The following SMARCC1 variants were observed in gnomAD, a reference collection of about 807,000 sequenced individuals.
The protein encoded by SMARCC1 is SWI/SNF related BAF chromatin remodeling complex subunit C1, also known as SWI/SNF complex subunit SMARCC1.
SMARCC1 carries 43 observed loss-of-function variants against 147.4 expected under a neutral mutation model. That is an observed-to-expected ratio of 0.29 (90% CI 0.23 to 0.38). The LOEUF (loss-of-function observed/expected upper bound fraction) is 0.38, where lower values mean the gene tolerates loss of function less well. SMARCC1 is among the 10% of genes least tolerant of loss of function. SMARCC1 has a pLI of 1.00. For missense variants in SMARCC1, 1,119 were observed against 1,381.1 expected, an observed-to-expected ratio of 0.81 and a Z score of 3.01; for synonymous variants, 495 against 484.4, an observed-to-expected ratio of 1.02 and a Z score of -0.29.
Position 47,610,142 on chromosome 3 carries a change from G to A in SMARCC1, c.2967C>T (p.Gly989=). The A allele has an allele frequency of 1.2e-6, 2 of 1,613,902 alleles. No homozygotes were observed. The highest frequency in any genetic ancestry group is 1.7e-6 in the Non-Finnish European group (2 of 1,180,028). ...GAGGGGGCTGTTGATGAGGCATCAT[G>A]CCAGGGTGCCCTGCTGCTCCAAGTG... ...LAPLGAAGHP[G]MMPHQQPPPY... Residue 989 remains glycine (G), a synonymous_variant, in exon 26 of 28, where the codon GGC becomes GGT. Transcript: ENST00000254480.
chr3:47,667,280 T>C (rs894417296), intron 19 of SMARCC1, among the ~76,000 whole-genome samples: 4 of 148,134 alleles, frequency 2.7e-5, no homozygotes, highest in African/African-American at 1.0e-4. Context: ...ATCACGCCAC[T>C]GCACTCCAGC....
chr3:47,648,791 T>A (rs2033151220), intron 21 of SMARCC1, among the ~76,000 whole-genome samples: 1 of 152,162 alleles, frequency 6.6e-6, no homozygotes, highest in South Asian at 2.1e-4. Flanking sequence ...ATGCTAAAAT[T>A]ATTTTTTTCA....
chr3:47,758,980 G>A (rs1027539680), intron 2 of SMARCC1, among the ~76,000 whole-genome samples: 4 of 150,740 alleles, frequency 2.7e-5, no homozygotes, highest in African/African-American at 9.7e-5. Context: ...TCGCACCATT[G>A]CACTCCAGCC....
rs767538589 is a variant in SMARCC1, at chr3:47,772,761, C to A, written c.315+56G>T. On this transcript the variant is annotated intron_variant, in intron 2 of 27. Transcript: ENST00000254480. ...CAAAGGAAAAAAGCTGGATGCTACA[C>A]CTAAAAGTATACAGCAACTGAGGAT... 72 of 1,493,518 alleles carry A rather than the reference C, an allele frequency of 4.8e-5. No individual in the cohort carries two copies. In the African/African-American group the frequency reaches 9.3e-4, roughly 19 times the overall value. The allele number at this position is 1,493,518 out of a possible 1,614,324, so 92.5% of individuals were successfully genotyped here.
intron 3 of SMARCC1, among the ~76,000 whole-genome samples, chr3:47,740,139 G>T (rs1363859433): frequency 1.4e-5 from 2 of 143,592 alleles, no homozygotes; most frequent in Non-Finnish European, 3.0e-5. Flanking sequence ...AAAGAGCTGG[G>T]ATTACAGATT....
chr3:47,770,225 C>CA (rs112564565), intron 2 of SMARCC1, among the ~76,000 whole-genome samples: 118 of 146,072 alleles, frequency 8.1e-4, no homozygotes, highest in African/African-American at 1.5e-3. Flanking sequence ...GAGACTGTCT[C>CA]AAAAAAAAAA....
At chr3:47,624,197 A>G (rs1458121144) in intron 24 of SMARCC1, among the ~76,000 whole-genome samples, 6 of 152,086 alleles carry the variant, frequency 3.9e-5, no homozygotes, top group Non-Finnish European at 8.8e-5. Context: ...AGGCTGAGGC[A>G]TAAGAATCGC....
intron 3 of SMARCC1, 59 bp from the exon 4 acceptor site, chr3:47,738,169 T>G (rs1037173251): frequency 8.3e-7 from 1 of 1,204,012 alleles, no homozygotes; most frequent in Non-Finnish European, 1.2e-6. Context: ...AAATGAAAAC[T>G]TGGTTTTAGA....
intron 2 of SMARCC1, among the ~76,000 whole-genome samples, chr3:47,760,523 G>A (rs1245785337): frequency 2.0e-5 from 3 of 152,012 alleles, no homozygotes; most frequent in Admixed American, 6.6e-5. Flanking sequence ...TTAGCTGGGC[G>A]TTGTGGCGCA....
chr3:47,628,578 T>A (rs1176869361), intron 24 of SMARCC1, among the ~76,000 whole-genome samples: 1 of 152,152 alleles, frequency 6.6e-6, no homozygotes, highest in Non-Finnish European at 1.5e-5. Context: ...CTAACGGGAA[T>A]TACTTTTTTT....
intron 2 of SMARCC1, among the ~76,000 whole-genome samples, chr3:47,761,520 G>A (rs1243351930): frequency 6.6e-6 from 1 of 151,680 alleles, no homozygotes; most frequent in South Asian, 2.1e-4. Context: ...ATGTTCTACA[G>A]AGATCTGTGC....
chr3:47,779,796 G>A (rs912911525), intron 1 of SMARCC1, among the ~76,000 whole-genome samples: 1 of 152,124 alleles, frequency 6.6e-6, no homozygotes, highest in Admixed American at 6.6e-5. Flanking sequence ...TTATTCAAAG[G>A]AATATGCCTG....
At chr3:47,730,453 C>T (rs181081964) in intron 5 of SMARCC1, among the ~76,000 whole-genome samples, 17 of 152,210 alleles carry the variant, frequency 1.1e-4, no homozygotes, top group Admixed American at 9.8e-4. Flanking sequence ...TGTACGTTAG[C>T]CTGGGCAATA....
At position 47,686,117 on chromosome 3, in the gene SMARCC1, T is replaced by G; in HGVS notation, c.1317A>C (p.Glu439Asp). ...GDQSRSVDLG[E>D]DNVTEQTNHI... ...GATTGGTCTGCTCTGTCACATTATC[T>G]TCCCCAAGGTCAACTGATCGACTCT... Residue 439 changes from glutamate to aspartate, a missense_variant, in exon 14 of 28, where the codon GAA becomes GAC. By Grantham distance (45) the Glu-to-Asp change is conservative. Coordinates refer to ENST00000254480, the MANE Select transcript of SMARCC1 (RefSeq NM_003074.4). 6.2e-7 allele frequency: 1 copy of G among 1,611,606 alleles called. No individual in the cohort carries two copies. The highest frequency in any genetic ancestry group is 8.5e-7 in the Non-Finnish European group (1 of 1,177,766).
Position 47,610,100 on chromosome 3 carries a change from G to A in SMARCC1, c.3009C>T (p.His1003=), listed in dbSNP as rs769783778. 2 of 1,613,008 alleles carry A rather than the reference G, an allele frequency of 1.2e-6. No individual in the cohort carries two copies. The highest frequency in any genetic ancestry group is 1.7e-6 in the Non-Finnish European group (2 of 1,180,026). The change falls in exon 26 of 28, where the codon CAC becomes CAT. Residue 1003 remains histidine (H), a synonymous_variant. Transcript: ENST00000254480. ...HQQPPPYPLM[H]HQMPPPHPPQ... ...GTGGATGAGGTGGTGGCATCTGGTG[G>A]TGCATCAGAGGGTAGGGAGGGGGCT...
intron 21 of SMARCC1, among the ~76,000 whole-genome samples, chr3:47,654,960 C>A (rs1285358325): frequency 6.6e-6 from 1 of 152,224 alleles, no homozygotes; most frequent in African/African-American, 2.4e-5. Flanking sequence ...CAAACCCCAG[C>A]AGCAGGGATA....
chr3:47,677,027 T>C (rs953697986), intron 16 of SMARCC1, among the ~76,000 whole-genome samples: 1 of 152,060 alleles, frequency 6.6e-6, no homozygotes, highest in Non-Finnish European at 1.5e-5. Context: ...ATCACAGAAA[T>C]GAGAGCACGA....
intron 21 of SMARCC1, among the ~76,000 whole-genome samples, chr3:47,658,064 G>A (rs1242755213): frequency 2.0e-5 from 3 of 151,832 alleles, no homozygotes; most frequent in South Asian, 4.1e-4. Flanking sequence ...GAAAAACAGA[G>A]AATCAATGAA....
At chr3:47,588,582 C>A (rs919874822) in intron 27 of SMARCC1, among the ~76,000 whole-genome samples, 1 of 152,026 alleles carries the variant, frequency 6.6e-6, no homozygotes, top group African/African-American at 2.4e-5. Context: ...TTCCAAGAAT[C>A]GCTCCAGGCC....
Sources: gnomAD v4.1 joint callset for allele counts (sites outside exome capture counted in the v4.1 genomes callset) on GRCh38, gnomAD v4.1.1 for gene constraint, MANE v1.5 for transcripts, NCBI Gene and HGNC (gene_info 2026-07-23, HGNC 2026-07-21) for gene names.